ARHGEF10: variants seen among roughly 807,000 people sequenced by gnomAD.
ARHGEF10 encodes the protein Rho guanine nucleotide exchange factor 10, also known as Rho guanine nucleotide exchange factor (GEF) 10.
A neutral mutation model predicts 147.4 loss-of-function variants in ARHGEF10; 140 were observed. The observed-to-expected ratio is 0.95, with a 90% confidence interval of 0.83 to 1.09. The LOEUF (loss-of-function observed/expected upper bound fraction) is 1.09. ARHGEF10 is among the 50% of genes least tolerant of loss of function. The pLI is 0.00. For missense variants in ARHGEF10, 2,222 were observed against 1,752.7 expected, an observed-to-expected ratio of 1.27 and a Z score of -4.78; for synonymous variants, 902 against 695.8, an observed-to-expected ratio of 1.30 and a Z score of -4.67.
At chr8:1,872,639 G>A (rs1302727518) in intron 7 of ARHGEF10, among the ~76,000 whole-genome samples, 4 of 152,184 alleles carry the variant, frequency 2.6e-5, no homozygotes, top group African/African-American at 4.8e-5. Flanking sequence ...CTCAGCATGT[G>A]TTTAAAAAGC....
At chr8:1,917,943 TA>T (rs1226955866) in intron 18 of ARHGEF10, among the ~76,000 whole-genome samples, 1 of 151,264 alleles carries the variant, frequency 6.6e-6, no homozygotes, top group African/African-American at 2.4e-5. Context: ...CATGCCTGGC[TA>T]ATTTTTTTTT....
At chr8:1,893,474 A>G in intron 11 of ARHGEF10, 95 bp from the exon 12 acceptor site, 2 of 838,888 alleles carry the variant, frequency 2.4e-6, no homozygotes, top group Non-Finnish European at 4.1e-6. Context: ...AAAAATAGAA[A>G]AGTTACTTAT....
chr8:1,862,714 T>C lies in ARHGEF10; in HGVS notation c.482-1659T>C, dbSNP rs189362131. Among the ~76,000 whole-genome samples the C allele has an allele frequency of 2.0e-3, 305 of 152,188 alleles. 2 individuals are homozygous for C. Among genetic ancestry groups the C allele is most frequent in the African/African-American group, 7.1e-3 (296 of 41,520 alleles). On this transcript the variant is annotated intron_variant, in intron 4 of 28. Transcript: ENST00000349830. ...GCAGCACGTCCTGCCTTTGTCCCTC[T>C]GCAAAACACAAGTAAAAGCTTTGTG...
At chr8:1,956,724 G>C in intron 28 of ARHGEF10, 25 bp from the exon 29 acceptor site, 5 of 1,613,458 alleles carry the variant, frequency 3.1e-6, no homozygotes, top group Non-Finnish European at 4.2e-6. Flanking sequence ...TTAAAAGACA[G>C]CTGTTGAACT....
intron 1 of ARHGEF10, among the ~76,000 whole-genome samples, chr8:1,831,501 GCCGTGGAGGGACAGTGTGACAT>G (rs2050380909): frequency 1.5e-5 from 2 of 131,544 alleles, no homozygotes; most frequent in African/African-American, 2.9e-5. Flanking sequence ...CAGTGTGACG[GCCGTGGAGGGACAGTGTGACAT>G]CCGTGGAGGG....
chr8:1,851,036 G>C (rs1334919370), intron 2 of ARHGEF10, among the ~76,000 whole-genome samples: 1 of 152,184 alleles, frequency 6.6e-6, no homozygotes, highest in South Asian at 2.1e-4. Flanking sequence ...GGGGTTTGCG[G>C]GGGGGAGGGG....
intron 2 of ARHGEF10, among the ~76,000 whole-genome samples, chr8:1,844,564 A>C (rs1804398494): frequency 6.7e-6 from 1 of 148,730 alleles, no homozygotes; most frequent in Non-Finnish European, 1.5e-5. Flanking sequence ...CCAGGCCTGG[A>C]AGTCCAGCTC....
intron 1 of ARHGEF10, among the ~76,000 whole-genome samples, chr8:1,841,859 AACTGG>A (rs1804072986): frequency 1.8e-5 from 2 of 108,456 alleles, no homozygotes; most frequent in African/African-American, 6.8e-5. Flanking sequence ...CCGCGGCGGG[AACTGG>A]GGCCGCGGCG....
chr8:1,857,387 C>T (rs1243403414), intron 2 of ARHGEF10, among the ~76,000 whole-genome samples: 1 of 151,600 alleles, frequency 6.6e-6, no homozygotes, highest in Non-Finnish European at 1.5e-5. Flanking sequence ...ATGTGAAAAG[C>T]TCTTTTTTCC....
At position 1,945,616 on chromosome 8, in the gene ARHGEF10, G is replaced by A; in HGVS notation, c.3358G>A (p.Asp1120Asn). The A allele has an allele frequency of 6.2e-7, 1 of 1,614,220 alleles. No individual in the cohort carries two copies. The highest frequency in any genetic ancestry group is 8.5e-7 in the Non-Finnish European group (1 of 1,180,028). ...FHTETLKHLQDINIATPVHNM... is the reference protein window; with the variant it reads ...FHTETLKHLQNINIATPVHNM... ...CACGGAAACTCTCAAGCACCTGCAGGACATCAACATCGCCACCCCTGTTCA... is the reference window on the plus strand; with the variant it reads ...CACGGAAACTCTCAAGCACCTGCAGAACATCAACATCGCCACCCCTGTTCA... Residue 1120 changes from aspartate (D) to asparagine (N), a missense_variant, in exon 27 of 29, where the codon GAC becomes AAC. Asp to Asn is a conservative substitution (Grantham distance 23, BLOSUM62 1). Transcript: ENST00000349830.
At chr8:1,900,342 C>T (rs559069808) in intron 15 of ARHGEF10, among the ~76,000 whole-genome samples, 234 of 152,230 alleles carry the variant, frequency 1.5e-3, no homozygotes, top group South Asian at 8.9e-3. Context: ...CACCTTCAGC[C>T]GTCCTGGGGA....
intron 1 of ARHGEF10, among the ~76,000 whole-genome samples, chr8:1,832,734 G>GCAGAGAGAGA (rs1803247205): frequency 1.0e-3 from 4 of 4,010 alleles, no homozygotes; most frequent in Admixed American, 3.0e-3. Context: ...AGAGACAGAG[G>GCAGAGAGAGA]CAGAGGCAGA....
At chr8:1,852,532 C>G (rs1044993042) in intron 2 of ARHGEF10, among the ~76,000 whole-genome samples, 1 of 151,906 alleles carries the variant, frequency 6.6e-6, no homozygotes, top group Admixed American at 6.6e-5. Flanking sequence ...TCTAGAACCT[C>G]TCCATCATCC....
intron 2 of ARHGEF10, among the ~76,000 whole-genome samples, chr8:1,850,065 G>C (rs1351903970): frequency 9.7e-6 from 1 of 103,104 alleles, no homozygotes; most frequent in African/African-American, 3.6e-5. Flanking sequence ...GCGTGGGCCG[G>C]CTGCGTGGAC....
rs982710705 is a variant in ARHGEF10 at position 1,892,874 on chromosome 8, G to T, written c.1183-695G>T. 1.3e-5 allele frequency among the ~76,000 whole-genome samples: 2 copies of T among 152,284 alleles called. 1 individual carries two copies. Among genetic ancestry groups the T allele is most frequent in the South Asian group, 4.2e-4 (2 of 4,816 alleles). On this transcript the variant is annotated intron_variant, in intron 11 of 28. Transcript: ENST00000349830. The stretch of plus-strand genomic sequence containing the variant: ...GGACTGTGTTTAGAATGAGGGAAAT[G>T]CCGGGCGTCCTCATAGGCCTTTCAC...
chr8:1,946,004 A>C (rs1814558712), intron 27 of ARHGEF10: 3 of 437,656 alleles, frequency 6.9e-6, no homozygotes, highest in East Asian at 4.9e-5. Context: ...CCAGGACCTG[A>C]GGCTGAAGAA....
intron 27 of ARHGEF10, among the ~76,000 whole-genome samples, chr8:1,949,434 T>C (rs965635890): frequency 6.6e-6 from 1 of 151,724 alleles, no homozygotes; most frequent in African/African-American, 2.4e-5. Context: ...TATAAAGGAG[T>C]AGAGTTTACA....
Position 1,869,113 on chromosome 8 carries a change from G to A in ARHGEF10, c.623-81G>A, listed in dbSNP as rs574685556. Reference sequence around the variant, plus strand: ...CTTTTTGAATAATCATGACATCATCGGCGACTGTGGCCCTGTAAAATTTAA... The same window carrying A: ...CTTTTTGAATAATCATGACATCATCAGCGACTGTGGCCCTGTAAAATTTAA... On this transcript the variant is annotated intron_variant, in intron 6 of 28. Coordinates refer to ENST00000349830, the MANE Select transcript of ARHGEF10 (RefSeq NM_014629.4). 8 of 1,245,610 alleles carry A rather than the reference G, an allele frequency of 6.4e-6. No homozygotes were observed. In the African/African-American group the frequency reaches 7.4e-5, roughly 11 times the overall value. The allele number at this position is 1,245,610 out of a possible 1,614,324, so 77.2% of individuals were successfully genotyped here.
At chr8:1,901,000 A>G (rs946424023) in intron 15 of ARHGEF10, among the ~76,000 whole-genome samples, 8 of 152,074 alleles carry the variant, frequency 5.3e-5, no homozygotes, top group East Asian at 3.9e-4. Flanking sequence ...CCCACATTTG[A>G]TGAAACGCTG....
Sources: gnomAD v4.1 joint callset for allele counts (sites outside exome capture counted in the v4.1 genomes callset) on GRCh38, gnomAD v4.1.1 for gene constraint, MANE v1.5 for transcripts, NCBI Gene and HGNC (gene_info 2026-07-23, HGNC 2026-07-21) for gene names.